CTSZ: variants seen among roughly 807,000 people sequenced by gnomAD.
CTSZ encodes the protein carboxypeptidase LB.
A neutral mutation model predicts 32.4 loss-of-function variants in CTSZ; 39 were observed. The ratio of observed to expected loss-of-function variants is 1.20; its 90% CI spans 0.93 to 1.57. The LOEUF (loss-of-function observed/expected upper bound fraction) is 1.57, where lower values mean the gene tolerates loss of function less well. CTSZ is among the 40% of genes most tolerant of loss of function. The pLI is 0.00. For synonymous variants in CTSZ, 168 were observed against 170.1 expected, an observed-to-expected ratio of 0.99 and a Z score of 0.10; for missense variants, 397 against 419.6, an observed-to-expected ratio of 0.95 and a Z score of 0.47.
rs1482509452 is a variant in CTSZ, at chr20:59,002,492, C to G, written c.308-848G>C. ...TCCTGCAGCCTCACCTGTCCCTCCCCCAGGGCACAATGAGCAGGGAGTCCC... is the reference window on the plus strand; with the variant it reads ...TCCTGCAGCCTCACCTGTCCCTCCCGCAGGGCACAATGAGCAGGGAGTCCC... On this transcript the variant is annotated intron_variant, in intron 2 of 5. Transcript: ENST00000217131. The surrounding 1 kb of genome is among the most constrained non-coding windows in gnomAD (Gnocchi z 4.1). Among the ~76,000 whole-genome samples the G allele has an allele frequency of 6.6e-6, 1 of 152,124 alleles. No individual in the cohort carries two copies. Among genetic ancestry groups the G allele is most frequent in the Non-Finnish European group, 1.5e-5 (1 of 68,006 alleles).
chr20:58,995,706 G>A lies in CTSZ; in HGVS notation c.855C>T (p.Gly285=), dbSNP rs200216191. 399 of 1,614,090 alleles carry A rather than the reference G, an allele frequency of 2.5e-4. No homozygotes were observed. Among genetic ancestry groups the A allele is most frequent in the Non-Finnish European group, 3.1e-4 (366 of 1,180,002 alleles). The part of the protein sequence containing the change: ...IVTSTYKDGK[G]ARYNLAIEEH... ...CCTCGATGGCAAGGTTGTATCTGGC[G>A]CCCTTCCCATCCTTATAGGTGCTGG... The change falls in exon 6 of 6, where the codon GGC becomes GGT. Residue 285 remains glycine, a synonymous_variant. Coordinates refer to ENST00000217131, the MANE Select transcript of CTSZ (RefSeq NM_001336.4).
rs1184901166 is a variant in CTSZ at position 58,997,626 on chromosome 20, T to C, written c.615A>G (p.Glu205=). 1 of 1,602,020 alleles carries C rather than the reference T, an allele frequency of 6.2e-7. No homozygotes were observed. Among genetic ancestry groups the C allele is most frequent in the Non-Finnish European group, 8.5e-7 (1 of 1,174,108 alleles). The change falls in exon 4 of 6, where the codon GAA becomes GAG. Residue 205 remains glutamate (E), a synonymous_variant. Transcript: ENST00000217131. ...SLSGREKMMA[E]IYANGPISCG... is the part of the protein sequence containing the mutation. ...ACCTGATGGGACCATTTGCATAGAT[T>C]TCTGCCATCATCTTCTCCCTCCCAG...
In CTSZ at chr20:59,006,300, C is replaced by A. The variant is rs541770537; in HGVS notation, c.307+22G>T. On this transcript the variant is annotated intron_variant, in intron 2 of 5. Coordinates refer to ENST00000217131, the MANE Select transcript of CTSZ (RefSeq NM_001336.4). ...AGCCGGGATGGGCTTTCCTGGCCCACAGTCAAAGGGCGGCCACTCACCCGC... is the reference window on the plus strand; with the variant it reads ...AGCCGGGATGGGCTTTCCTGGCCCAAAGTCAAAGGGCGGCCACTCACCCGC... The A allele has an allele frequency of 2.8e-5, 44 of 1,578,968 alleles. No homozygotes were observed. In the South Asian group the frequency reaches 5.0e-4, roughly 18 times the overall value.
rs188693450 is a variant in CTSZ at position 58,995,344 on chromosome 20, A to G, written c.*305T>C. 1.2e-5 allele frequency: 3 copies of G among 260,654 alleles called. No individual in the cohort carries two copies. In the East Asian group the frequency reaches 2.2e-4, roughly 20 times the overall value. 16.1% of individuals were successfully genotyped at this position (260,654 alleles called of 1,614,324 possible). On this transcript the variant is annotated 3_prime_UTR_variant, in exon 6 of 6. Transcript: ENST00000217131. Reference sequence around the variant, plus strand: ...GCCATATTATTGCCCACAGTTGCCAAATACAAAATATCAAGTCCTCTGCTG... The same window carrying G: ...GCCATATTATTGCCCACAGTTGCCAGATACAAAATATCAAGTCCTCTGCTG...
chr20:59,005,343 C>A (rs1430977754), intron 2 of CTSZ, among the ~76,000 whole-genome samples: 1 of 152,192 alleles, frequency 6.6e-6, no homozygotes, highest in East Asian at 1.9e-4. Flanking sequence ...CCCAGGCTTC[C>A]GGGCTCAAAT....
intron 5 of CTSZ, 143 bp downstream of exon 5, chr20:58,996,496 G>A (rs1194001679): frequency 3.6e-6 from 3 of 839,514 alleles, no homozygotes; most frequent in African/African-American, 1.7e-5. Flanking sequence ...AAAGCCACTC[G>A]CGCGGTGGCT....
Position 59,006,978 on chromosome 20 carries a change from G to A in CTSZ, c.143+8C>T. On this transcript the variant is annotated splice_region_variant and intron_variant, in intron 1 of 5. Coordinates refer to ENST00000217131, the MANE Select transcript of CTSZ (RefSeq NM_001336.4). ...TCCCCCCAGGGCTGCCTCCCCGCCG[G>A]TGCCCACCTGCGCCCCAGCGGAGCC... The A allele has an allele frequency of 2.1e-6, 3 of 1,438,562 alleles. No individual in the cohort carries two copies. The highest frequency in any genetic ancestry group is 2.7e-6 in the Non-Finnish European group (3 of 1,103,772). 89.1% of individuals were successfully genotyped at this position (1,438,562 alleles called of 1,614,324 possible).
At chr20:59,006,274 C>A (rs2091908238) in intron 2 of CTSZ, 48 bp downstream of exon 2, 6 of 1,534,080 alleles carry the variant, frequency 3.9e-6, no homozygotes, top group Non-Finnish European at 4.4e-6. Flanking sequence ...TATAAACAGG[C>A]AGCCGGGATG....
Position 59,007,048 on chromosome 20 carries a change from GA to G in CTSZ, c.80del (p.Phe27SerfsTer176), listed in dbSNP as rs779942505. ...GCCGGTAGCAGGTCTGTCCCCGGCG[GA>G]AGTAGAGGCCGCCCTGCGCCGCGCC... Reference protein sequence around the residue: ...LAGAAQGGLYFRRGQTCYRPL... With the variant: ...LAGAAQGGLYXRRGQTCYRPL... On this transcript the variant is annotated frameshift_variant, in exon 1 of 6. Coordinates refer to ENST00000217131, the MANE Select transcript of CTSZ (RefSeq NM_001336.4). LOFTEE classifies it high-confidence loss of function. 8 of 1,470,652 alleles carry G rather than the reference GA, an allele frequency of 5.4e-6. No individual in the cohort carries two copies. The highest frequency in any genetic ancestry group is 3.0e-5 in the East Asian group (1 of 33,320). 91.1% of individuals were successfully genotyped at this position (1,470,652 alleles called of 1,614,324 possible). A position where few individuals can be genotyped will look rare whatever the true frequency, so the allele number is the denominator to read the frequency against.
intron 1 of CTSZ, 127 bp downstream of exon 1, chr20:59,006,859 A>C: frequency 3.6e-6 from 3 of 838,230 alleles, no homozygotes; most frequent in Non-Finnish European, 5.0e-6. Context: ...GACCCCCAAA[A>C]CGAAGCGGCT....
rs2091889567 is a variant in CTSZ, at chr20:59,001,572, C to T, written c.380G>A (p.Gly127Asp). ...ACCCCCTTCACAGGAGCCAGCGTTACCGCAGTCGATGACGTTCTGCACGGA... is the reference window on the plus strand; with the variant it reads ...ACCCCCTTCACAGGAGCCAGCGTTATCGCAGTCGATGACGTTCTGCACGGA... ...LLSVQNVIDC[G>D]NAGSCEGGND... Residue 127 changes from glycine to aspartate, a missense_variant, in exon 3 of 6, where the codon GGT becomes GAT. Coordinates refer to ENST00000217131, the MANE Select transcript of CTSZ (RefSeq NM_001336.4). 1 of 1,614,088 alleles carries T rather than the reference C, an allele frequency of 6.2e-7. No homozygotes were observed. Among genetic ancestry groups the T allele is most frequent in the African/African-American group, 1.3e-5 (1 of 74,932 alleles).
chr20:59,002,459 G>A lies in CTSZ; in HGVS notation c.308-815C>T, dbSNP rs112477931. Among the ~76,000 whole-genome samples, 11 of 152,120 alleles carry A rather than the reference G, an allele frequency of 7.2e-5. 1 individual carries two copies. The highest frequency in any genetic ancestry group is 1.7e-4 in the African/African-American group (7 of 41,506). ...CATCTCCTGACCCCACGTTCAAGTCGGAACTCTTCCTGCAGCCTCACCTGT... is the reference window on the plus strand; with the variant it reads ...CATCTCCTGACCCCACGTTCAAGTCAGAACTCTTCCTGCAGCCTCACCTGT... On this transcript the variant is annotated intron_variant, in intron 2 of 5. Coordinates refer to ENST00000217131, the MANE Select transcript of CTSZ (RefSeq NM_001336.4). This position sits in a 1 kb window ranked among gnomAD's most constrained non-coding sequence, Gnocchi z 4.1.
In CTSZ at chr20:59,004,520, T is replaced by C. The variant is rs1412552994; in HGVS notation, c.307+1802A>G. 1.3e-5 allele frequency among the ~76,000 whole-genome samples: 2 copies of C among 149,156 alleles called. No homozygotes were observed. The highest frequency in any genetic ancestry group is 2.0e-4 in the East Asian group (1 of 4,980). On this transcript the variant is annotated intron_variant, in intron 2 of 5. Transcript: ENST00000217131. This position sits in a 1 kb window ranked among gnomAD's most constrained non-coding sequence, Gnocchi z 5.6. The stretch of plus-strand genomic sequence containing the variant: ...GGGTTCAAGGGTAGAGAAGAGGAAG[T>C]GGAGGGACTCCAGATACTTCCCTAG...
At position 59,004,614 on chromosome 20, in the gene CTSZ, C is replaced by G. The variant is rs1424758586; in HGVS notation, c.307+1708G>C. Among the ~76,000 whole-genome samples the G allele has an allele frequency of 6.6e-6, 1 of 151,962 alleles. No homozygotes were observed. Among genetic ancestry groups the G allele is most frequent in the Non-Finnish European group, 1.5e-5 (1 of 67,962 alleles). On this transcript the variant is annotated intron_variant, in intron 2 of 5. Transcript: ENST00000217131. This position sits in a 1 kb window ranked among gnomAD's most constrained non-coding sequence, Gnocchi z 5.6. ...CCTTTTTTCCAGGTGGGAGAGCTTCCCTGAGTGGGAAGGGACGGGCTCAGT... is the reference window on the plus strand; with the variant it reads ...CCTTTTTTCCAGGTGGGAGAGCTTCGCTGAGTGGGAAGGGACGGGCTCAGT...
At chr20:58,998,654 C>CTG (rs1463577582) in intron 3 of CTSZ, among the ~76,000 whole-genome samples, 2 of 151,822 alleles carry the variant, frequency 1.3e-5, no homozygotes, top group African/African-American at 2.4e-5. Context: ...TACCAGGAGT[C>CTG]TGAGACCAGC....
rs567910243 is a variant in CTSZ, at chr20:59,004,398, G to A, written c.307+1924C>T. Among the ~76,000 whole-genome samples the A allele has an allele frequency of 6.6e-6, 1 of 152,206 alleles. No homozygotes were observed. Among genetic ancestry groups the A allele is most frequent in the Admixed American group, 6.5e-5 (1 of 15,302 alleles). On this transcript the variant is annotated intron_variant, in intron 2 of 5. Coordinates refer to ENST00000217131, the MANE Select transcript of CTSZ (RefSeq NM_001336.4). The surrounding 1 kb of genome is among the most constrained non-coding windows in gnomAD (Gnocchi z 5.6). ...TGGTGCAGGAGAAGGAAGCATCCTG[G>A]GGAGACGTGATCAGGAGAATGCTTC...
At chr20:59,006,221 T>C in intron 2 of CTSZ, 101 bp downstream of exon 2, 2 of 1,423,338 alleles carry the variant, frequency 1.4e-6, no homozygotes, top group Non-Finnish European at 1.9e-6. Context: ...GACCTGGCCT[T>C]GAATCACAGG....
At chr20:59,006,195 C>T in intron 2 of CTSZ, 127 bp downstream of exon 2, 1 of 1,290,592 alleles carries the variant, frequency 7.7e-7, no homozygotes, top group African/African-American at 1.5e-5. Context: ...TCGGCCTTAG[C>T]ACCCCAGCCC....
rs1390664717 is a variant in CTSZ, at chr20:59,007,011, C to G, written c.118G>C (p.Asp40His). The G allele has an allele frequency of 2.0e-6, 3 of 1,470,584 alleles. No individual in the cohort carries two copies. The South Asian group carries it at 3.9e-5, about 19-fold the overall frequency. The allele number at this position is 1,470,584 out of a possible 1,614,324, so 91.1% of individuals were successfully genotyped here. A position where few individuals can be genotyped will look rare whatever the true frequency, so the allele number is the denominator to read the frequency against. ...CTGCGCCCCAGCGGAGCCAGCCCGTCCCCCCGCAGAGGCCGGTAGCAGGTC... is the reference window on the plus strand; with the variant it reads ...CTGCGCCCCAGCGGAGCCAGCCCGTGCCCCCGCAGAGGCCGGTAGCAGGTC... ...GQTCYRPLRG[D>H]GLAPLGRSTY... Residue 40 changes from aspartate (D) to histidine (H), a missense_variant, in exon 1 of 6, where the codon GAC becomes CAC. Asp to His is a moderately conservative substitution (Grantham distance 81). Coordinates refer to ENST00000217131, the MANE Select transcript of CTSZ (RefSeq NM_001336.4).
Sources: allele counts gnomAD v4.1 joint callset (sites outside exome capture counted in the v4.1 genomes callset), GRCh38; gene constraint gnomAD v4.1.1; non-coding constraint Gnocchi (gnomAD v3.1); transcripts MANE v1.5; gene names NCBI Gene and HGNC (gene_info 2026-07-23, HGNC 2026-07-21).